The following TUSC3 variants were observed in gnomAD, a reference collection of about 807,000 sequenced individuals.
TUSC3 encodes the protein dolichyl-diphosphooligosaccharide--protein glycosyltransferase subunit TUSC3.
In TUSC3, 45 loss-of-function variants were observed where a neutral mutation model predicts 44.8. That is an observed-to-expected ratio of 1.00 (90% confidence interval 0.79 to 1.29). TUSC3 has a LOEUF of 1.29. Ranked by LOEUF, TUSC3 falls within the 50% of genes most tolerant of loss-of-function variation. The probability of loss-of-function intolerance (pLI) is 0.00; values close to 1 mark genes in which losing one functional copy is unlikely to be tolerated. For synonymous variants in TUSC3, 212 were observed against 152.9 expected (o/e 1.39, Z -2.85); for missense variants, 519 against 437.9 (o/e 1.19, Z -1.65).
intron 7 of TUSC3, among the ~76,000 whole-genome samples, chr8:15,738,017 T>C (rs2129211625): frequency 6.6e-6 from 1 of 152,230 alleles, no homozygotes; most frequent in East Asian, 1.9e-4. Flanking sequence ...AATGTATCTT[T>C]AAATAATAGG....
the TUSC3 span, among the ~76,000 whole-genome samples, chr8:15,805,416 T>C: frequency 8.5e-5 from 13 of 152,140 alleles, no homozygotes; most frequent in Admixed American, 7.9e-4. Context: ...CTGTAGATCT[T>C]AGGGAAATGC....
intron 1 of TUSC3, among the ~76,000 whole-genome samples, chr8:15,581,883 C>T (rs1204232417): frequency 7.4e-6 from 1 of 134,538 alleles, no homozygotes; most frequent in Admixed American, 7.2e-5. Context: ...CAAGCCTGGG[C>T]AATGGCGGGC....
At chr8:15,725,761 A>G (rs181889730) in intron 6 of TUSC3, among the ~76,000 whole-genome samples, 1 of 152,292 alleles carries the variant, frequency 6.6e-6, no homozygotes, top group Admixed American at 6.5e-5. Flanking sequence ...GTAATTTGCT[A>G]AAGGTCTTAC....
chr8:15,620,800 C>T (rs958474325), intron 1 of TUSC3, among the ~76,000 whole-genome samples: 8 of 152,222 alleles, frequency 5.3e-5, no homozygotes, highest in African/African-American at 1.7e-4. Flanking sequence ...GAGTCTCATT[C>T]CTTTCAGCAT....
the TUSC3 span, chr8:15,806,655 C>G: frequency 1.7e-6 from 2 of 1,184,112 alleles, no homozygotes; most frequent in East Asian, 2.4e-5. Context: ...TCTGGTGAGA[C>G]AAGCTGCCCA....
chr8:15,434,258 G>T (rs1340392083), intron 1 of TUSC3, among the ~76,000 whole-genome samples: 1 of 152,066 alleles, frequency 6.6e-6, no homozygotes, highest in Non-Finnish European at 1.5e-5. Flanking sequence ...TGAAGTGTCT[G>T]TTAAAGCCTT....
chr8:15,643,846 C>T (rs548729182), intron 2 of TUSC3, among the ~76,000 whole-genome samples: 1 of 152,208 alleles, frequency 6.6e-6, no homozygotes, highest in South Asian at 2.1e-4. Context: ...AGGACCAGAA[C>T]CTTAAGTAAT....
At chr8:15,637,230 C>G (rs559397413) in intron 2 of TUSC3, among the ~76,000 whole-genome samples, 83 of 148,130 alleles carry the variant, frequency 5.6e-4, no homozygotes, top group Non-Finnish European at 9.5e-4. Context: ...ACCCCATTCC[C>G]TCTTAAACTT....
the TUSC3 span, among the ~76,000 whole-genome samples, chr8:15,811,646 C>G: frequency 6.6e-6 from 1 of 152,128 alleles, no homozygotes; most frequent in Admixed American, 6.5e-5. Context: ...AGGTGAATAT[C>G]AAAATTGACC....
At chr8:15,578,853 C>G (rs1474367010) in intron 1 of TUSC3, among the ~76,000 whole-genome samples, 1 of 152,008 alleles carries the variant, frequency 6.6e-6, no homozygotes, top group Non-Finnish European at 1.5e-5. Flanking sequence ...GGAGGATTCC[C>G]TCTTTTTCTA....
At chr8:15,456,036 C>A (rs922672319) in intron 1 of TUSC3, among the ~76,000 whole-genome samples, 3 of 152,122 alleles carry the variant, frequency 2.0e-5, no homozygotes. Flanking sequence ...GGTGGCCCTA[C>A]CCAGAATAAT....
At chr8:15,642,383 TA>T (rs958742602) in intron 2 of TUSC3, among the ~76,000 whole-genome samples, 71 of 152,210 alleles carry the variant, frequency 4.7e-4, no homozygotes, top group Non-Finnish European at 7.6e-4. Context: ...TGAGAAAAGT[TA>T]AAAAAATGAA....
At chr8:15,685,177 C>G (rs972763685) in intron 6 of TUSC3, among the ~76,000 whole-genome samples, 22 of 152,124 alleles carry the variant, frequency 1.4e-4, no homozygotes, top group Non-Finnish European at 2.8e-4. Context: ...GGCTTCCCTG[C>G]CGGTTCAGAG....
chr8:15,463,297 C>T (rs1263411057), intron 1 of TUSC3, among the ~76,000 whole-genome samples: 1 of 152,004 alleles, frequency 6.6e-6, no homozygotes, highest in Admixed American at 6.6e-5. Context: ...TTTAGCTAGG[C>T]TAAATTAGAG....
At chr8:15,774,646 C>T in the TUSC3 span, among the ~76,000 whole-genome samples, 9 of 152,166 alleles carry the variant, frequency 5.9e-5, no homozygotes, top group Admixed American at 2.6e-4. Context: ...TACAGCAGCT[C>T]TAGGAAACTA....
intron 2 of TUSC3, among the ~76,000 whole-genome samples, chr8:15,502,437 A>G (rs1800979544): frequency 6.6e-6 from 1 of 152,188 alleles, no homozygotes; most frequent in African/African-American, 2.4e-5. Context: ...TCTTTTTATT[A>G]GAGCTCCTAT....
chr8:15,438,555 A>C (rs1186816628), intron 1 of TUSC3, among the ~76,000 whole-genome samples: 2 of 152,176 alleles, frequency 1.3e-5, no homozygotes, highest in African/African-American at 4.8e-5. Context: ...CTCCTGTGAA[A>C]CACTGAAAGG....
At chr8:15,807,709 G>A in the TUSC3 span, among the ~76,000 whole-genome samples, 2 of 152,286 alleles carry the variant, frequency 1.3e-5, no homozygotes, top group East Asian at 3.9e-4. Context: ...CATGTCCTTT[G>A]CAGCAATGTG....
intron 2 of TUSC3, 66 bp from the exon 3 acceptor site, chr8:15,650,631 T>A (rs1002657798): frequency 4.9e-5 from 69 of 1,418,134 alleles, no homozygotes; most frequent in Non-Finnish European, 6.8e-5. Flanking sequence ...GTTGTCTGTT[T>A]TAATAACTGC....
Sources: allele counts gnomAD v4.1 joint callset (sites outside exome capture counted in the v4.1 genomes callset), GRCh38; gene constraint gnomAD v4.1.1; transcripts MANE v1.5; gene names NCBI Gene and HGNC (gene_info 2026-07-23, HGNC 2026-07-21).